Variants in DCDC1 observed in about 807,000 individuals in gnomAD.
DCDC1 encodes doublecortin domain containing 1.
Under a neutral mutation model 178.3 loss-of-function variants are expected in DCDC1, and 200 were observed. The observed-to-expected ratio is 1.12, with a 90% CI of 1.00 to 1.26. DCDC1 has a LOEUF of 1.26. Among genes scored for constraint, DCDC1 ranks in the 50% most tolerant of loss-of-function variants. The pLI is 0.00. For missense variants in DCDC1, 1,983 were observed against 1,749.2 expected, an observed-to-expected ratio of 1.13 and a Z score of -2.38; for synonymous variants, 690 against 604.8, an observed-to-expected ratio of 1.14 and a Z score of -2.07.
At chr11:30,928,136 A>T (rs1946705704) in intron 22 of DCDC1, among the ~76,000 whole-genome samples, 1 of 152,068 alleles carries the variant, frequency 6.6e-6, no homozygotes, top group African/African-American at 2.4e-5. Flanking sequence ...GTGAATTCTC[A>T]TTCTATTAGT....
chr11:31,188,879 A>C (rs1969813976), intron 9 of DCDC1, among the ~76,000 whole-genome samples: 2 of 152,170 alleles, frequency 1.3e-5, no homozygotes, highest in Admixed American at 6.5e-5. Flanking sequence ...TAGTATTATG[A>C]AGTGAGGCCT....
intron 8 of DCDC1, among the ~76,000 whole-genome samples, chr11:31,242,888 G>A (rs906970724): frequency 4.0e-5 from 6 of 151,774 alleles, no homozygotes; most frequent in Non-Finnish European, 7.4e-5. Context: ...TGTCTAATAC[G>A]TTCAACACTA....
chr11:31,187,562 T>A (rs73461543), intron 9 of DCDC1, among the ~76,000 whole-genome samples: 3 of 152,066 alleles, frequency 2.0e-5, no homozygotes, highest in African/African-American at 4.8e-5. Context: ...GTTAAAAATA[T>A]AGACTGACAA....
intron 11 of DCDC1, among the ~76,000 whole-genome samples, chr11:31,119,592 C>A (rs1368039859): frequency 6.6e-6 from 1 of 152,070 alleles, no homozygotes; most frequent in East Asian, 1.9e-4. Flanking sequence ...GTGCAACTGA[C>A]CTTAGTTATC....
At chr11:30,964,336 T>C (rs1280876125) in intron 20 of DCDC1, among the ~76,000 whole-genome samples, 1 of 152,166 alleles carries the variant, frequency 6.6e-6, no homozygotes, top group Non-Finnish European at 1.5e-5. Flanking sequence ...TTGTGTTCTT[T>C]ATCATCGAAT....
chr11:31,090,409 A>G (rs1292126410), intron 17 of DCDC1, among the ~76,000 whole-genome samples: 1 of 152,148 alleles, frequency 6.6e-6, no homozygotes, highest in Non-Finnish European at 1.5e-5. Flanking sequence ...CTTAGTAGGT[A>G]TGGCCTTGAG....
At position 31,359,896 on chromosome 11, in the gene DCDC1, A is replaced by T. The variant is rs76456894; in HGVS notation, c.-125+9801T>A. Among the ~76,000 whole-genome samples, 1,227 of 152,300 alleles carry T rather than the reference A, an allele frequency of 8.1e-3. 23 individuals are homozygous for T. Among genetic ancestry groups the T allele is most frequent in the African/African-American group, 0.028 (1,174 of 41,564 alleles). On this transcript the variant is annotated intron_variant, in intron 1 of 38. Transcript: ENST00000684477. Reference sequence around the variant, plus strand: ...CAGAAAATGCAACAGATCTGAACTCAACTGACTTGGGTTTGAATTTTTGCC... The same window carrying T: ...CAGAAAATGCAACAGATCTGAACTCTACTGACTTGGGTTTGAATTTTTGCC...
intron 20 of DCDC1, among the ~76,000 whole-genome samples, chr11:30,953,354 ACT>A (rs1301492703): frequency 6.7e-6 from 1 of 149,992 alleles, no homozygotes; most frequent in Admixed American, 6.7e-5. Context: ...CTTCCCTAAA[ACT>A]CTATCATACC....
chr11:31,213,516 T>A (rs750197754), intron 9 of DCDC1, among the ~76,000 whole-genome samples: 13 of 151,876 alleles, frequency 8.6e-5, no homozygotes, highest in African/African-American at 3.1e-4. Context: ...GGTCAGGAGT[T>A]TGAGACCAGC....
intron 29 of DCDC1, among the ~76,000 whole-genome samples, chr11:30,908,733 C>T (rs932782846): frequency 6.6e-6 from 1 of 152,180 alleles, no homozygotes; most frequent in African/African-American, 2.4e-5. Context: ...ATTTTAAGTA[C>T]ATTAGATTAA....
chr11:31,019,573 T>A (rs115903303), intron 20 of DCDC1, among the ~76,000 whole-genome samples: 401 of 152,312 alleles, frequency 2.6e-3, no homozygotes, highest in African/African-American at 9.1e-3. Context: ...TTTATATTTT[T>A]TTAAAATCCT....
intron 8 of DCDC1, among the ~76,000 whole-genome samples, chr11:31,261,758 A>T (rs1944801990): frequency 6.6e-6 from 1 of 152,208 alleles, no homozygotes; most frequent in Admixed American, 6.5e-5. Flanking sequence ...CATGTTGACC[A>T]TCTGTAGGAA....
chr11:30,931,237 C>T (rs1946904252), intron 22 of DCDC1, among the ~76,000 whole-genome samples: 1 of 151,608 alleles, frequency 6.6e-6, no homozygotes, highest in Non-Finnish European at 1.5e-5. Context: ...AATTTTATCC[C>T]AATAATAAGG....
At chr11:31,262,279 A>G (rs1944848449) in intron 8 of DCDC1, among the ~76,000 whole-genome samples, 1 of 151,906 alleles carries the variant, frequency 6.6e-6, no homozygotes, top group Non-Finnish European at 1.5e-5. Flanking sequence ...GAAAAAAAAA[A>G]AAAAATTGTC....
intron 11 of DCDC1, among the ~76,000 whole-genome samples, chr11:31,114,996 AT>A (rs936051724): frequency 1.8e-4 from 28 of 152,254 alleles, no homozygotes; most frequent in African/African-American, 6.0e-4. Context: ...GGAAAATAAA[AT>A]TTGTAGGTAG....
intron 20 of DCDC1, among the ~76,000 whole-genome samples, chr11:31,034,282 T>A (rs1953872337): frequency 7.8e-6 from 1 of 128,742 alleles, no homozygotes; most frequent in African/African-American, 3.3e-5. Flanking sequence ...GTTAAAAAAA[T>A]TTAAGTTCAT....
intron 23 of DCDC1, among the ~76,000 whole-genome samples, chr11:30,923,177 C>A (rs902770136): frequency 6.6e-6 from 1 of 152,174 alleles, no homozygotes; most frequent in Non-Finnish European, 1.5e-5. Flanking sequence ...CACAGCTATT[C>A]CCATTCATTT....
At chr11:30,887,974 G>T (rs989499590) in intron 36 of DCDC1, among the ~76,000 whole-genome samples, 1 of 147,142 alleles carries the variant, frequency 6.8e-6, no homozygotes, top group Non-Finnish European at 1.5e-5. Context: ...TTGCACTCCA[G>T]CCTGGGCAAC....
chr11:30,963,151 C>A (rs1178826484), intron 20 of DCDC1, among the ~76,000 whole-genome samples: 1 of 152,056 alleles, frequency 6.6e-6, no homozygotes, highest in Non-Finnish European at 1.5e-5. Context: ...CTGTCTCTCC[C>A]CAGCACCACG....
Sources: allele counts gnomAD v4.1 joint callset (sites outside exome capture counted in the v4.1 genomes callset), GRCh38; gene constraint gnomAD v4.1.1; transcripts MANE v1.5; gene names NCBI Gene and HGNC (gene_info 2026-07-23, HGNC 2026-07-21).